MYLK3: variants seen among roughly 807,000 people sequenced by gnomAD.
The protein encoded by MYLK3 is myosin light chain kinase 3.
Under a neutral mutation model 76.3 loss-of-function variants are expected in MYLK3, and 55 were observed. That is an observed-to-expected ratio of 0.72 (90% CI 0.58 to 0.90). The LOEUF is 0.90. MYLK3 is among the 40% of genes least tolerant of loss of function. MYLK3 has a pLI of 0.00. For missense variants in MYLK3, 973 were observed against 1,053.6 expected, an observed-to-expected ratio of 0.92 and a Z score of 1.06; for synonymous variants, 416 against 425.4, an observed-to-expected ratio of 0.98 and a Z score of 0.27.
chr16:46,716,495 ATATGTGTGTGTGTGTGTGTGTGTG>A (rs1221336977), intron 9 of MYLK3, among the ~76,000 whole-genome samples: 1 of 145,088 alleles, frequency 6.9e-6, no homozygotes, highest in African/African-American at 2.5e-5. Context: ...ATGTGTATAT[ATATGTGTGTGTGTGTGTGTGTGTG>A]TGTGTGTGTG....
chr16:46,720,999 C>G (rs995276352), intron 9 of MYLK3, 124 bp downstream of exon 9: 17 of 864,146 alleles, frequency 2.0e-5, no homozygotes, highest in Non-Finnish European at 3.3e-5. Context: ...AGCTTCTGCA[C>G]ACAAGAGCTT....
At chr16:46,709,150 A>G (rs1596744008) in intron 12 of MYLK3, among the ~76,000 whole-genome samples, 2 of 152,314 alleles carry the variant, frequency 1.3e-5, no homozygotes, top group Admixed American at 1.3e-4. Flanking sequence ...GGCTGGGTGC[A>G]GTGGCTCATG....
At chr16:46,716,647 C>T (rs1966743727) in intron 9 of MYLK3, among the ~76,000 whole-genome samples, 1 of 152,024 alleles carries the variant, frequency 6.6e-6, no homozygotes, top group Non-Finnish European at 1.5e-5. Context: ...TTCACCTGCC[C>T]AAGGCAGGAC....
At chr16:46,729,869 AC>A in intron 5 of MYLK3, 182 bp from the exon 6 acceptor site, 1 of 618,304 alleles carries the variant, frequency 1.6e-6, no homozygotes, top group Non-Finnish European at 2.9e-6. Context: ...GCAACTCTTC[AC>A]CCCACACCAC....
At chr16:46,709,443 G>GAAAAAA in intron 12 of MYLK3, 96 bp downstream of exon 12, 1 of 1,159,224 alleles carries the variant, frequency 8.6e-7, no homozygotes, top group Non-Finnish European at 1.2e-6. Flanking sequence ...CCAAAAAGAA[G>GAAAAAA]AAAAAAAAAA....
In MYLK3 at chr16:46,732,643, C is replaced by T; in HGVS notation, c.1027G>A (p.Asp343Asn). Residue 343 changes from aspartate to asparagine, a missense_variant, in exon 4 of 13, where the codon GAT becomes AAT. Transcript: ENST00000394809. ...PRISIHIQEM[D>N]TPGEMLMTGR... ...GTCATCAGCATCTCCCCAGGAGTAT[C>T]CATCTCTTGTATGTGGATGGAGATC... 6.5e-7 allele frequency: 1 copy of T among 1,539,180 alleles called. No individual in the cohort carries two copies. The highest frequency in any genetic ancestry group is 8.7e-7 in the Non-Finnish European group (1 of 1,149,814).
intron 3 of MYLK3, among the ~76,000 whole-genome samples, chr16:46,734,841 T>G (rs1245889860): frequency 2.0e-5 from 3 of 152,028 alleles, no homozygotes; most frequent in Admixed American, 2.0e-4. Flanking sequence ...GAGTGTACAC[T>G]TTTAAAAGGT....
rs1211248421 is a variant in MYLK3 at position 46,727,325 on chromosome 16, T to C, written c.1825A>G (p.Thr609Ala). ...GTGAACAGGACCACATCCAGCTCAG[T>C]CAGGTGGTACTTCTCATCTGTGATC... ...DRITDEKYHL[T>A]ELDVVLFTRQ... Residue 609 changes from threonine (T) to alanine (A), a missense_variant, in exon 8 of 13, where the codon ACT (threonine) becomes GCT (alanine). By Grantham distance (58) the Thr-to-Ala change is moderately conservative (BLOSUM62 0). This residue lies in a region of MYLK3 where 332 missense variants were observed against 416.6 expected (regional missense o/e 0.80). Coordinates refer to ENST00000394809, the MANE Select transcript of MYLK3 (RefSeq NM_182493.3). 2 of 1,613,940 alleles carry C rather than the reference T, an allele frequency of 1.2e-6. No homozygotes were observed. Among genetic ancestry groups the C allele is most frequent in the Non-Finnish European group, 1.7e-6 (2 of 1,179,832 alleles).
intron 1 of MYLK3, chr16:46,762,948 A>C: frequency 2.1e-6 from 2 of 944,564 alleles, no homozygotes; most frequent in African/African-American, 3.5e-5. Context: ...CAGACTCCAA[A>C]AGTGTTTTCT....
intron 9 of MYLK3, among the ~76,000 whole-genome samples, chr16:46,714,459 C>T (rs564563057): frequency 1.6e-4 from 24 of 152,218 alleles, no homozygotes; most frequent in African/African-American, 5.1e-4. Context: ...AGCAAGGTGA[C>T]GGGGGTTGAA....
At chr16:46,757,389 C>T (rs187217970) in intron 1 of MYLK3, 2 of 985,454 alleles carry the variant, frequency 2.0e-6, no homozygotes, top group Middle Eastern at 5.2e-4. Context: ...CAGGCTCTTA[C>T]TTCAAAGCAC....
rs1276548730 is a variant in MYLK3, at chr16:46,741,225, C to T, written c.478-1078G>A. On this transcript the variant is annotated intron_variant, in intron 1 of 12. Coordinates refer to ENST00000394809, the MANE Select transcript of MYLK3 (RefSeq NM_182493.3). ...AATGTGCAAATGTCCTAGAAGTGTG[C>T]CCAGCACATAGTGGGTGCTCAATAG... Among the ~76,000 whole-genome samples the T allele has an allele frequency of 3.3e-5, 5 of 152,336 alleles. No homozygotes were observed. In the South Asian group the frequency reaches 6.2e-4, roughly 19 times the overall value.
At chr16:46,723,619 G>A (rs551151916) in intron 8 of MYLK3, among the ~76,000 whole-genome samples, 1 of 150,744 alleles carries the variant, frequency 6.6e-6, no homozygotes, top group African/African-American at 2.4e-5. Flanking sequence ...CAATGTATGA[G>A]GGTTCCAATT....
In MYLK3 at chr16:46,706,053, A is replaced by T. The variant is rs79188514; in HGVS notation, c.*1651T>A. Reference sequence around the variant, plus strand: ...AGGGATGACAGGGCTACTCTAATGCATATAGAAAAGTGTTTAAATGTACAG... The same window carrying T: ...AGGGATGACAGGGCTACTCTAATGCTTATAGAAAAGTGTTTAAATGTACAG... On this transcript the variant is annotated 3_prime_UTR_variant, in exon 13 of 13. Transcript: ENST00000394809. 6.6e-6 allele frequency: 1 copy of T among 152,098 alleles called. No homozygotes were observed. The highest frequency in any genetic ancestry group is 1.5e-5 in the Non-Finnish European group (1 of 68,052). 9.4% of individuals were successfully genotyped at this position (152,098 alleles called of 1,614,324 possible).
At position 46,748,096 on chromosome 16, in the gene MYLK3, T is replaced by C; in HGVS notation, c.98A>G (p.Asn33Ser). Residue 33 changes from asparagine to serine, a missense_variant, in exon 1 of 13, where the codon AAC (asparagine) becomes AGC (serine). Around this residue, in one of 2 missense-constraint regions of MYLK3, gnomAD observed 641 missense variants for 637.0 expected, o/e 1.01. Transcript: ENST00000394809. The surrounding 1 kb of genome is among the most constrained non-coding windows in gnomAD (Gnocchi z 4.3). ...TTMDTKLNML[N>S]EKVDQLLHFQ... ...GTGCAGGAGCTGGTCCACCTTCTCG[T>C]TCAGCATGTTCAGCTTTGTGTCCAT... 1 of 1,614,244 alleles carries C rather than the reference T, an allele frequency of 6.2e-7. No individual in the cohort carries two copies. The highest frequency in any genetic ancestry group is 8.5e-7 in the Non-Finnish European group (1 of 1,180,050).
At chr16:46,757,443 C>T (rs1337797527) in intron 1 of MYLK3, 3 of 985,316 alleles carry the variant, frequency 3.0e-6, no homozygotes, top group South Asian at 4.7e-5. Context: ...GGGTGTAACC[C>T]GACGCCCGCT....
Position 46,758,647 on chromosome 16 carries a change from C to A in MYLK3, c.-114+4393G>T, listed in dbSNP as rs60506161. Reference sequence around the variant, plus strand: ...TCACAGACAGGAGGGATCTCAGACACGAGAAGGGTCATTTCCCTTATTTTG... The same window carrying A: ...TCACAGACAGGAGGGATCTCAGACAAGAGAAGGGTCATTTCCCTTATTTTG... On this transcript the variant is annotated intron_variant, in intron 1 of 11. Transcript: ENST00000536476. Among the ~76,000 whole-genome samples the A allele has an allele frequency of 6.8e-4, 104 of 152,310 alleles. 1 individual carries two copies. The highest frequency in any genetic ancestry group is 2.5e-3 in the African/African-American group (103 of 41,564).
chr16:46,754,276 A>G (rs945469658), intron 1 of MYLK3, among the ~76,000 whole-genome samples: 1 of 152,088 alleles, frequency 6.6e-6, no homozygotes, highest in Non-Finnish European at 1.5e-5. Flanking sequence ...GAACACAGGG[A>G]TAAAGAGAAG....
At chr16:46,729,725 G>C in intron 5 of MYLK3, 38 bp from the exon 6 acceptor site, 1 of 1,584,482 alleles carries the variant, frequency 6.3e-7, no homozygotes. Context: ...TGAGAGCCCA[G>C]AGGCTCATCC....
Sources: allele counts gnomAD v4.1 joint callset (sites outside exome capture counted in the v4.1 genomes callset), GRCh38; gene constraint gnomAD v4.1.1; regional missense constraint gnomAD v4.1.1; non-coding constraint Gnocchi (gnomAD v3.1); transcripts MANE v1.5; gene names NCBI Gene and HGNC (gene_info 2026-07-23, HGNC 2026-07-21).